Variants in TWIST2 observed in about 807,000 individuals in gnomAD.
TWIST2 encodes twist family bHLH transcription factor 2, also known as twist-related protein 2.
In TWIST2, 1 loss-of-function variant was observed where a neutral mutation model predicts 11.6. That is an observed-to-expected ratio of 0.09 (90% CI 0.03 to 0.41). The LOEUF (loss-of-function observed/expected upper bound fraction) is 0.41. Ranked by LOEUF, TWIST2 falls within the 10% of genes least tolerant of loss-of-function variation. TWIST2 has a pLI of 0.98. For missense variants in TWIST2, 168 were observed against 226.4 expected, an observed-to-expected ratio of 0.74 and a Z score of 1.66; for synonymous variants, 87 against 96.6, an observed-to-expected ratio of 0.90 and a Z score of 0.58.
intron 1 of TWIST2, among the ~76,000 whole-genome samples, chr2:238,888,301 G>A (rs189967716): frequency 6.6e-6 from 1 of 152,310 alleles, no homozygotes; most frequent in Admixed American, 6.5e-5. Flanking sequence ...TTGTTGAAGT[G>A]TTCTTCCCTC....
At chr2:238,889,947 T>C (rs1483896018) in intron 1 of TWIST2, among the ~76,000 whole-genome samples, 1 of 151,882 alleles carries the variant, frequency 6.6e-6, no homozygotes, top group African/African-American at 2.4e-5. Context: ...AGAGAAGAGC[T>C]GCCTGGGTGG....
chr2:238,889,953 G>T (rs34086904), intron 1 of TWIST2, among the ~76,000 whole-genome samples: 14 of 41,578 alleles, frequency 3.4e-4, no homozygotes, highest in South Asian at 7.0e-4. Flanking sequence ...GAGCTGCCTG[G>T]GTGGAGGCTG....
At chr2:238,908,280 C>A (rs886832054) in intron 1 of TWIST2, among the ~76,000 whole-genome samples, 37 of 150,106 alleles carry the variant, frequency 2.5e-4, no homozygotes, top group African/African-American at 8.8e-4. Context: ...ATACATACCA[C>A]ACACTACACA....
chr2:238,905,439 A>C (rs959682520), intron 1 of TWIST2, among the ~76,000 whole-genome samples: 62,417 of 151,996 alleles, frequency 0.41, 13,187 homozygotes, highest in Middle Eastern at 0.55. Flanking sequence ...GTCAGCAGAC[A>C]TGGCTGGGGT....
rs1692536668 is a variant in TWIST2, at chr2:238,866,511, G to A, written c.*35+17778G>A. Among the ~76,000 whole-genome samples the A allele has an allele frequency of 2.0e-5, 3 of 152,312 alleles. No individual in the cohort carries two copies. The highest frequency in any genetic ancestry group is 7.2e-5 in the African/African-American group (3 of 41,568). ...GTCTCTGCCAAAAATAGAAAAATTAGCTGGGCATGGTGGTGTGTGCCTGTA... is the reference window on the plus strand; with the variant it reads ...GTCTCTGCCAAAAATAGAAAAATTAACTGGGCATGGTGGTGTGTGCCTGTA... On this transcript the variant is annotated intron_variant, in intron 1 of 1. Transcript: ENST00000612363. The surrounding 1 kb of genome is among the most constrained non-coding windows in gnomAD (Gnocchi z 4.9).
At chr2:238,904,989 GAAGA>G (rs1399012229) in intron 1 of TWIST2, among the ~76,000 whole-genome samples, 137 of 150,966 alleles carry the variant, frequency 9.1e-4, no homozygotes, top group African/African-American at 2.6e-3. Context: ...AAGAAAAAAA[GAAGA>G]AAGAAAGAAA....
intron 1 of TWIST2, among the ~76,000 whole-genome samples, chr2:238,865,567 C>A (rs993383274): frequency 6.6e-6 from 1 of 152,238 alleles, no homozygotes; most frequent in African/African-American, 2.4e-5. Flanking sequence ...CAGATCAAAC[C>A]CCTGCCCTAC....
intron 1 of TWIST2, among the ~76,000 whole-genome samples, chr2:238,905,976 C>T (rs1485368488): frequency 1.1e-4 from 14 of 130,664 alleles, no homozygotes; most frequent in East Asian, 4.2e-4. Context: ...TGTGTGTGCG[C>T]GCGCGTGTAC....
intron 1 of TWIST2, among the ~76,000 whole-genome samples, chr2:238,860,946 C>T (rs2106352399): frequency 6.6e-6 from 1 of 152,248 alleles, no homozygotes; most frequent in African/African-American, 2.4e-5. Context: ...TCAAAACAAA[C>T]AAACAAACAA....
chr2:238,905,948 C>CGT lies in TWIST2; in HGVS notation c.*36-3893_*36-3892insTG, dbSNP rs1353901189. 2.7e-3 allele frequency among the ~76,000 whole-genome samples: 293 copies of CGT among 110,430 alleles called. 1 individual carries two copies. The highest frequency in any genetic ancestry group is 0.011 in the Admixed American group (135 of 12,842). 72.4% of individuals were successfully genotyped at this position (110,430 alleles called of 152,430 possible). A position where few individuals can be genotyped will look rare whatever the true frequency, so the allele number is the denominator to read the frequency against. On this transcript the variant is annotated intron_variant, in intron 1 of 1. Transcript: ENST00000612363. ...GTGCGTGTGCGCGTGTGTGTGCGCG[C>CGT]GCGTGTGTACGTGTGCGTGTGTGTG...
At chr2:238,862,343 G>T (rs900470413) in intron 1 of TWIST2, among the ~76,000 whole-genome samples, 6 of 152,030 alleles carry the variant, frequency 3.9e-5, no homozygotes. Flanking sequence ...TTTTGCAATG[G>T]GTTAATGTTC....
chr2:238,890,255 C>T (rs2106369046), intron 1 of TWIST2, among the ~76,000 whole-genome samples: 1 of 152,318 alleles, frequency 6.6e-6, no homozygotes, highest in East Asian at 1.9e-4. Flanking sequence ...TGCTTGTGGC[C>T]ACTCCAGCCT....
chr2:238,853,914 C>G (rs544084550), intron 1 of TWIST2, among the ~76,000 whole-genome samples: 12 of 152,172 alleles, frequency 7.9e-5, no homozygotes, highest in African/African-American at 2.7e-4. Flanking sequence ...GATGAGAGAG[C>G]GCGGCTGCGT....
intron 1 of TWIST2, among the ~76,000 whole-genome samples, chr2:238,892,365 G>A (rs1389609449): frequency 6.6e-6 from 1 of 152,218 alleles, no homozygotes; most frequent in African/African-American, 2.4e-5. Context: ...CAGGTGCTCC[G>A]CCGATCACCA....
At chr2:238,862,580 G>A (rs922031799) in intron 1 of TWIST2, among the ~76,000 whole-genome samples, 2 of 152,180 alleles carry the variant, frequency 1.3e-5, no homozygotes, top group African/African-American at 4.8e-5. Context: ...GGGGGAACCA[G>A]GCCATCCTAT....
At chr2:238,885,737 G>A (rs1006647255) in intron 1 of TWIST2, among the ~76,000 whole-genome samples, 3 of 152,118 alleles carry the variant, frequency 2.0e-5, no homozygotes, top group Admixed American at 6.5e-5. Flanking sequence ...GAACCAATGG[G>A]TTTTATACAT....
intron 1 of TWIST2, among the ~76,000 whole-genome samples, chr2:238,906,137 G>C (rs1693351080): frequency 2.6e-5 from 4 of 152,260 alleles, no homozygotes; most frequent in African/African-American, 9.6e-5. Flanking sequence ...CTGGGGCTGG[G>C]GGTTGGGAGA....
intron 1 of TWIST2, among the ~76,000 whole-genome samples, chr2:238,870,121 C>CACA (rs1692620905): frequency 6.3e-5 from 2 of 31,618 alleles, no homozygotes; most frequent in African/African-American, 1.5e-4. Context: ...CACCATACAC[C>CACA]CCCCACACAC....
chr2:238,863,420 A>G lies in TWIST2; in HGVS notation c.*35+14687A>G, dbSNP rs1010905856. On this transcript the variant is annotated intron_variant, in intron 1 of 1. Transcript: ENST00000612363. The surrounding 1 kb of genome is among the most constrained non-coding windows in gnomAD (Gnocchi z 4.7). ...GATAATTCAGAAGGATGCACCCGGA[A>G]TGTACCAGCGCGGCTCCCTGATGGA... Among the ~76,000 whole-genome samples the G allele has an allele frequency of 2.0e-5, 3 of 152,188 alleles. No individual in the cohort carries two copies. The highest frequency in any genetic ancestry group is 7.2e-5 in the African/African-American group (3 of 41,436).
Sources: allele counts gnomAD v4.1 joint callset (sites outside exome capture counted in the v4.1 genomes callset), GRCh38; gene constraint gnomAD v4.1.1; non-coding constraint Gnocchi (gnomAD v3.1); transcripts MANE v1.5; gene names NCBI Gene and HGNC (gene_info 2026-07-23, HGNC 2026-07-21).